Variants in MROH2B observed in about 807,000 individuals in gnomAD.
The protein encoded by MROH2B is maestro heat like repeat family member 2B.
In MROH2B, 177 loss-of-function variants were observed where a neutral mutation model predicts 208.6. The ratio of observed to expected loss-of-function variants is 0.85; its 90% CI spans 0.75 to 0.96. The LOEUF is 0.96. MROH2B is among the 40% of genes least tolerant of loss of function. The pLI is 0.00. For synonymous variants in MROH2B, 728 were observed against 659.0 expected, an observed-to-expected ratio of 1.10 and a Z score of -1.60; for missense variants, 2,002 against 1,878.7, an observed-to-expected ratio of 1.07 and a Z score of -1.21.
At chr5:41,055,634 A>G in intron 10 of MROH2B, 108 bp downstream of exon 10, 2 of 708,818 alleles carry the variant, frequency 2.8e-6, no homozygotes, top group Non-Finnish European at 4.7e-6. Context: ...TTTGCACGTG[A>G]TGTTATATAA....
intron 21 of MROH2B, among the ~76,000 whole-genome samples, chr5:41,036,122 TTA>T (rs199639182): frequency 2.7e-4 from 35 of 130,200 alleles, no homozygotes; most frequent in East Asian, 9.2e-4. Context: ...GATACATATA[TTA>T]TATATACACA....
At chr5:41,019,346 G>GAC (rs200161436) in intron 24 of MROH2B, among the ~76,000 whole-genome samples, 2 of 151,764 alleles carry the variant, frequency 1.3e-5, no homozygotes, top group Admixed American at 6.6e-5. Flanking sequence ...GTGTGTGTGA[G>GAC]AGAGAGTGAG....
chr5:41,038,109 A>C (rs1742821118), intron 21 of MROH2B, among the ~76,000 whole-genome samples: 1 of 152,154 alleles, frequency 6.6e-6, no homozygotes, highest in South Asian at 2.1e-4. Context: ...AGGTGAACTG[A>C]ATAGCTTGAT....
chr5:41,035,196 G>C (rs1579935113), intron 21 of MROH2B, among the ~76,000 whole-genome samples: 2 of 151,990 alleles, frequency 1.3e-5, no homozygotes, highest in Admixed American at 6.6e-5. Flanking sequence ...ATACTATAAG[G>C]CTATAGTAAT....
intron 11 of MROH2B, among the ~76,000 whole-genome samples, chr5:41,053,440 T>G (rs955653066): frequency 1.3e-5 from 2 of 152,214 alleles, no homozygotes; most frequent in African/African-American, 4.8e-5. Flanking sequence ...TTTTATGAAC[T>G]TGCATTATAG....
At chr5:41,023,378 A>G (rs1281067840) in intron 24 of MROH2B, among the ~76,000 whole-genome samples, 1 of 152,250 alleles carries the variant, frequency 6.6e-6, no homozygotes, top group Non-Finnish European at 1.5e-5. Context: ...CCATGGCACA[A>G]GAACTACATG....
At position 41,004,475 on chromosome 5, in the gene MROH2B, G is replaced by A. The variant is rs903846542; in HGVS notation, c.4065C>T (p.His1355=). 1.2e-6 allele frequency: 2 copies of A among 1,613,822 alleles called. No homozygotes were observed. Among genetic ancestry groups the A allele is most frequent in the African/African-American group, 1.3e-5 (1 of 74,912 alleles). Residue 1355 remains histidine, a synonymous_variant, in exon 37 of 42, where the codon CAC becomes CAT. Coordinates refer to ENST00000399564, the MANE Select transcript of MROH2B (RefSeq NM_173489.5). ...MLESIIRGLY[H]LARTEVVCES... ...CACAGACGACTTCAGTGCGAGCTAG[G>A]TGATACAGGCCTCTGATGATAGATT...
In MROH2B at chr5:41,018,905, T is replaced by C; in HGVS notation, c.2555A>G (p.Asp852Gly). ...TACTTGAATGTGCTCCTTGTCCTTG[T>C]CTGTCTGGCCTTCACTTTTCAGATT... ...LENLKSEGQT[D>G]KDKEHIQFLY... Residue 852 changes from aspartate (D) to glycine (G), a missense_variant, in exon 25 of 42, where the codon GAC (aspartate) becomes GGC (glycine). Physicochemically the swap from Asp to Gly is moderately conservative, Grantham distance 94 (BLOSUM62 -1). Coordinates refer to ENST00000399564, the MANE Select transcript of MROH2B (RefSeq NM_173489.5). 1 of 1,613,900 alleles carries C rather than the reference T, an allele frequency of 6.2e-7. No homozygotes were observed. The highest frequency in any genetic ancestry group is 8.5e-7 in the Non-Finnish European group (1 of 1,179,870).
Position 41,005,583 on chromosome 5 carries a change from A to C in MROH2B, c.3812T>G (p.Leu1271Arg). ...CCGGTAGTTCTCCGAGGAGGAGGTA[A>C]GAGATGAGAGCAGCTGTTCCATGAT... ...LDIMEQLLSS[L>R]TSSSENYRIT... is the part of the protein sequence containing the mutation. The change falls in exon 35 of 42, where the codon CTT becomes CGT. Residue 1271 changes from leucine to arginine, a missense_variant. Coordinates refer to ENST00000399564, the MANE Select transcript of MROH2B (RefSeq NM_173489.5). 6.2e-7 allele frequency: 1 copy of C among 1,611,654 alleles called. No individual in the cohort carries two copies. The highest frequency in any genetic ancestry group is 1.3e-5 in the African/African-American group (1 of 75,040).
At chr5:41,013,070 A>C (rs758622023) in intron 29 of MROH2B, among the ~76,000 whole-genome samples, 1 of 152,378 alleles carries the variant, frequency 6.6e-6, no homozygotes, top group East Asian at 1.9e-4. Flanking sequence ...TGTACATTAT[A>C]AAGTCCTTTT....
At chr5:41,025,404 C>T (rs1742317802) in intron 24 of MROH2B, among the ~76,000 whole-genome samples, 1 of 152,136 alleles carries the variant, frequency 6.6e-6, no homozygotes, top group East Asian at 1.9e-4. Context: ...ATACTATAAA[C>T]ACCTCTACAC....
intron 24 of MROH2B, among the ~76,000 whole-genome samples, chr5:41,020,398 C>T (rs1237080328): frequency 1.3e-5 from 2 of 151,954 alleles, no homozygotes; most frequent in African/African-American, 4.8e-5. Flanking sequence ...TTTCTACAAA[C>T]CTCCCTCATT....
At chr5:41,025,718 C>A (rs933711046) in intron 24 of MROH2B, among the ~76,000 whole-genome samples, 2 of 152,070 alleles carry the variant, frequency 1.3e-5, no homozygotes, top group South Asian at 2.1e-4. Flanking sequence ...CAAAGCCTGG[C>A]AGAGACACAA....
chr5:41,006,407 A>G lies in MROH2B; in HGVS notation c.3750-762T>C, dbSNP rs534261007. Among the ~76,000 whole-genome samples the G allele has an allele frequency of 6.6e-5, 10 of 152,346 alleles. No individual in the cohort carries two copies. In the South Asian group the frequency reaches 2.1e-3, roughly 32 times the overall value. ...TCTTGGTGGGAATGCAAACTAGTACAACCACTATGGAAAACAGTGGAGCTT... is the reference window on the plus strand; with the variant it reads ...TCTTGGTGGGAATGCAAACTAGTACGACCACTATGGAAAACAGTGGAGCTT... On this transcript the variant is annotated intron_variant, in intron 34 of 41. Transcript: ENST00000399564.
At chr5:41,008,545 ACCACT>A (rs1236862680) in intron 33 of MROH2B, 56 bp downstream of exon 33, 1 of 1,566,586 alleles carries the variant, frequency 6.4e-7, no homozygotes, top group African/African-American at 1.4e-5. Context: ...CTTCTGCAGC[ACCACT>A]CCTGGAGTCT....
At chr5:41,015,654 T>A (rs550547615) in intron 28 of MROH2B, among the ~76,000 whole-genome samples, 176 bp from the exon 29 acceptor site, 1 of 152,366 alleles carries the variant, frequency 6.6e-6, no homozygotes, top group African/African-American at 2.4e-5. Flanking sequence ...ATACTCTGCA[T>A]ACAATAATCT....
chr5:41,000,372 C>T, intron 38 of MROH2B, 21 bp from the exon 39 acceptor site: 1 of 1,611,974 alleles, frequency 6.2e-7, no homozygotes. Context: ...GAGTTTTCTG[C>T]ATCACAGTCC....
chr5:41,013,155 T>C (rs1741828134), intron 29 of MROH2B, among the ~76,000 whole-genome samples: 2 of 152,206 alleles, frequency 1.3e-5, no homozygotes, highest in Non-Finnish European at 2.9e-5. Context: ...TTCAGGAAAA[T>C]CTATCAATAT....
intron 24 of MROH2B, among the ~76,000 whole-genome samples, chr5:41,031,830 G>A (rs537581979): frequency 7.2e-5 from 11 of 152,096 alleles, no homozygotes; most frequent in Middle Eastern, 3.4e-3. Flanking sequence ...AAAATTAGTG[G>A]TATTTGGTTT....
Sources: gnomAD v4.1 joint callset for allele counts (sites outside exome capture counted in the v4.1 genomes callset) on GRCh38, gnomAD v4.1.1 for gene constraint, MANE v1.5 for transcripts, NCBI Gene and HGNC (gene_info 2026-07-23, HGNC 2026-07-21) for gene names.